Variants in TJP2 observed in about 807,000 individuals in gnomAD.
The protein encoded by TJP2 is Friedreich ataxia region gene X104 (tight junction protein ZO-2).
A neutral mutation model predicts 133.1 loss-of-function variants in TJP2; 91 were observed. The ratio of observed to expected loss-of-function variants is 0.68; its 90% CI spans 0.58 to 0.81. TJP2 has a LOEUF of 0.81. TJP2 is among the 40% of genes least tolerant of loss of function. TJP2 has a pLI of 0.00. For missense variants in TJP2, 1,541 were observed against 1,565.6 expected (o/e 0.98, Z 0.26); for synonymous variants, 592 against 583.4 (o/e 1.01, Z -0.21).
At chr9:69,151,583 C>T (rs1055938519) in intron 1 of TJP2, 2 of 1,229,946 alleles carry the variant, frequency 1.6e-6, no homozygotes, top group African/African-American at 1.6e-5. Flanking sequence ...GACTTCAGTG[C>T]ATTTCCCAAA....
intron 1 of TJP2, among the ~76,000 whole-genome samples, chr9:69,174,921 T>C (rs1351964105): frequency 6.6e-6 from 1 of 151,944 alleles, no homozygotes; most frequent in African/African-American, 2.4e-5. Context: ...TTTTTTTTTT[T>C]TTTTTTTCCA....
chr9:69,131,330 T>G (rs1446285163), intron 1 of TJP2, among the ~76,000 whole-genome samples: 1 of 152,180 alleles, frequency 6.6e-6, no homozygotes, highest in African/African-American at 2.4e-5. Flanking sequence ...TGGAAGTGTT[T>G]TTGACAGTCC....
At chr9:69,157,287 C>T (rs1343519434) in intron 2 of TJP2, among the ~76,000 whole-genome samples, 1 of 152,132 alleles carries the variant, frequency 6.6e-6, no homozygotes, top group African/African-American at 2.4e-5. Flanking sequence ...TTACTTCCAT[C>T]GTCTTATTTC....
chr9:69,250,469 G>A (rs1981223), intron 20 of TJP2, among the ~76,000 whole-genome samples: 43,538 of 152,070 alleles, frequency 0.29, 7,057 homozygotes, highest in South Asian at 0.35. Context: ...AGTAGTAAAT[G>A]TGATAGGTAC....
intron 5 of TJP2, 137 bp from the exon 6 acceptor site, chr9:69,225,167 C>T (rs1239444823): frequency 1.6e-6 from 1 of 641,530 alleles, no homozygotes; most frequent in South Asian, 1.7e-5. Context: ...TTGAAGAGTT[C>T]AGGCCAGTCA....
intron 1 of TJP2, 62 bp downstream of exon 1, chr9:69,174,494 T>TG: frequency 1.8e-6 from 2 of 1,110,780 alleles, no homozygotes; most frequent in South Asian, 1.4e-5. Flanking sequence ...GTGGGAGCGC[T>TG]GGGGGCTCTG....
chr9:69,254,232 A>C lies in TJP2; in HGVS notation c.3431A>C (p.Lys1144Thr), dbSNP rs1035471616. ...HTSSRPPEPQ[K>T]APSRPYQDTR... is the part of the protein sequence containing the mutation. Reference sequence around the variant, plus strand: ...AGTTCCAGACCCCCTGAGCCACAGAAAGCTCCTTCCAGACCTTATCAGGAT... The same window carrying C: ...AGTTCCAGACCCCCTGAGCCACAGACAGCTCCTTCCAGACCTTATCAGGAT... Residue 1144 changes from lysine to threonine, a missense_variant, in exon 23 of 23, where the codon AAA (lysine) becomes ACA (threonine). Transcript: ENST00000377245. 7 of 1,614,134 alleles carry C rather than the reference A, an allele frequency of 4.3e-6. No individual in the cohort carries two copies. Among genetic ancestry groups the C allele is most frequent in the Non-Finnish European group, 5.9e-6 (7 of 1,180,056 alleles).
intron 4 of TJP2, among the ~76,000 whole-genome samples, chr9:69,220,226 G>A (rs184757543): frequency 1.1e-3 from 168 of 152,078 alleles, no homozygotes; most frequent in East Asian, 7.7e-4. Context: ...ATAGTTATAG[G>A]GTATGTGTGA....
In TJP2 at chr9:69,246,803, G is replaced by T; in HGVS notation, c.2667+13G>T. On this transcript the variant is annotated intron_variant, in intron 18 of 22. Coordinates refer to ENST00000377245, the MANE Select transcript of TJP2 (RefSeq NM_004817.4). ...CTCTGAAGGAAAGGTATGTGGCATA[G>T]ATATGCTGCTATGAGGTGAGAGTCC... The T allele has an allele frequency of 6.2e-7, 1 of 1,610,024 alleles. No individual in the cohort carries two copies. Among genetic ancestry groups the T allele is most frequent in the African/African-American group, 1.3e-5 (1 of 74,970 alleles).
chr9:69,227,720 T>C (rs1829455050), intron 7 of TJP2, 45 bp from the exon 8 acceptor site: 4 of 1,331,126 alleles, frequency 3.0e-6, no homozygotes, highest in South Asian at 2.5e-5. Flanking sequence ...TAGGAGAATA[T>C]TTTAAATATT....
chr9:69,240,172 C>T (rs1830487249), intron 17 of TJP2, 25 bp downstream of exon 17: 2 of 1,589,002 alleles, frequency 1.3e-6, no homozygotes, highest in Non-Finnish European at 1.7e-6. Flanking sequence ...AATGTAGTCC[C>T]TTTGCTAAAA....
chr9:69,191,630 ACAT>A (rs1225058403), intron 1 of TJP2, among the ~76,000 whole-genome samples: 1 of 152,206 alleles, frequency 6.6e-6, no homozygotes, highest in African/African-American at 2.4e-5. Context: ...CTAAAAACAA[ACAT>A]CATTTTGAGG....
rs79767816 is a variant in TJP2 at position 69,238,325 on chromosome 9, C to T, written c.2275+352C>T. 1.7e-3 allele frequency among the ~76,000 whole-genome samples: 252 copies of T among 152,250 alleles called. 3 individuals carry two copies. Among genetic ancestry groups the T allele is most frequent in the African/African-American group, 5.8e-3 (239 of 41,538 alleles). Reference sequence around the variant, plus strand: ...GATTTTGTATATAGTCCATTTTCCACGTTTTCTTAATTGTCCTAGTTATGT... The same window carrying T: ...GATTTTGTATATAGTCCATTTTCCATGTTTTCTTAATTGTCCTAGTTATGT... On this transcript the variant is annotated intron_variant, in intron 15 of 22. Transcript: ENST00000377245.
chr9:69,172,177 T>C (rs1302957206), upstream of TJP2, among the ~76,000 whole-genome samples: 1 of 152,170 alleles, frequency 6.6e-6, no homozygotes, highest in Admixed American at 6.5e-5. Flanking sequence ...GACTAATAAA[T>C]TGTTTCTCCA....
At chr9:69,164,026 TATC>T (rs577356687) in intron 2 of TJP2, among the ~76,000 whole-genome samples, 177 of 152,276 alleles carry the variant, frequency 1.2e-3, no homozygotes, top group Middle Eastern at 6.8e-3. Context: ...TGGTGATTCC[TATC>T]ATCAGAGAAA....
rs200415824 is a variant in TJP2 at position 69,212,542 on chromosome 9, A to T, written c.61-6A>T. The stretch of plus-strand genomic sequence containing the variant: ...TCATCAGATTGGTTTTGTTCTTTTA[A>T]AACAGGCCCCAGGCATGGAAGAGCT... On this transcript the variant is annotated splice_region_variant and splice_polypyrimidine_tract_variant and intron_variant, in intron 1 of 22. Transcript: ENST00000377245. 2,907 of 1,611,756 alleles carry T rather than the reference A, an allele frequency of 1.8e-3. 3 individuals are homozygous for T. The highest frequency in any genetic ancestry group is 2.3e-3 in the Non-Finnish European group (2,670 of 1,178,004).
chr9:69,222,378 C>T (rs1370869478), intron 5 of TJP2, among the ~76,000 whole-genome samples: 2 of 151,782 alleles, frequency 1.3e-5, no homozygotes, highest in African/African-American at 4.8e-5. Context: ...GTTGGCCAGG[C>T]TGGTCTCAAA....
At chr9:69,173,466 C>A (rs1039875320), upstream of TJP2, among the ~76,000 whole-genome samples, 5 of 152,188 alleles carry the variant, frequency 3.3e-5, no homozygotes, top group Non-Finnish European at 5.9e-5. Context: ...GACCTACTGG[C>A]AACCTTTTAT....
intron 1 of TJP2, among the ~76,000 whole-genome samples, chr9:69,174,983 G>T (rs1361925898): frequency 6.7e-6 from 1 of 149,158 alleles, no homozygotes; most frequent in East Asian, 2.0e-4. Flanking sequence ...GGAGTGTGAT[G>T]AATGCTTTGT....
Sources: allele counts gnomAD v4.1 joint callset (sites outside exome capture counted in the v4.1 genomes callset), GRCh38; gene constraint gnomAD v4.1.1; transcripts MANE v1.5; gene names NCBI Gene and HGNC (gene_info 2026-07-23, HGNC 2026-07-21).